CLDN18: variants seen among roughly 807,000 people sequenced by gnomAD.
CLDN18 encodes claudin-18.
Under a neutral mutation model 25.0 loss-of-function variants are expected in CLDN18, and 20 were observed. That is an observed-to-expected ratio of 0.80 (90% CI 0.56 to 1.16). The LOEUF (loss-of-function observed/expected upper bound fraction) is 1.16. Ranked by LOEUF, CLDN18 falls within the 50% of genes most tolerant of loss-of-function variation. CLDN18 has a pLI of 0.00. For missense variants in CLDN18, 297 were observed against 345.4 expected, an observed-to-expected ratio of 0.86 and a Z score of 1.11; for synonymous variants, 125 against 135.6, an observed-to-expected ratio of 0.92 and a Z score of 0.54.
At chr3:138,020,006 G>T (rs1389663784) in intron 1 of CLDN18, among the ~76,000 whole-genome samples, 2 of 152,192 alleles carry the variant, frequency 1.3e-5, no homozygotes, top group African/African-American at 2.4e-5. Flanking sequence ...CTCTTGATCA[G>T]AATATCAAGT....
At position 138,032,502 on chromosome 3, in the gene CLDN18, A is replaced by AG. The variant is rs200226240; in HGVS notation, c.*1362dup. The AG allele has an allele frequency of 6.6e-6, 1 of 151,790 alleles. No individual in the cohort carries two copies. Among genetic ancestry groups the AG allele is most frequent in the Non-Finnish European group, 1.5e-5 (1 of 67,922 alleles). 9.4% of individuals were successfully genotyped at this position (151,790 alleles called of 1,614,324 possible). On this transcript the variant is annotated 3_prime_UTR_variant, in exon 5 of 5. Transcript: ENST00000183605. ...AACTAATTCTTTAAAAAAAAAAAAA[A>AG]GTTGAGCCTGAATTAAATGTAATGT...
chr3:138,030,844 C>A, intron 4 of CLDN18, 126 bp from the exon 5 acceptor site: 2 of 853,178 alleles, frequency 2.3e-6, no homozygotes, highest in Non-Finnish European at 1.8e-6. Context: ...CTGGTTTGCC[C>A]CGGACTGATG....
chr3:138,014,356 G>C (rs1942178738), intron 1 of CLDN18, among the ~76,000 whole-genome samples: 1 of 152,180 alleles, frequency 6.6e-6, no homozygotes, highest in South Asian at 2.1e-4. Flanking sequence ...AGGGCTCTTG[G>C]AAACTGTTGG....
Position 137,999,197 on chromosome 3 carries a change from G to A in CLDN18, c.220+109G>A, listed in dbSNP as rs938333125. On this transcript the variant is annotated intron_variant, in intron 1 of 4. Coordinates refer to the CLDN18 transcript ENST00000343735. ...GGACTGCTGGGGAGGGAGGAACTGCGATTCGTGTTTGACAGGGGCAACAGC... is the reference window on the plus strand; with the variant it reads ...GGACTGCTGGGGAGGGAGGAACTGCAATTCGTGTTTGACAGGGGCAACAGC... The A allele has an allele frequency of 3.6e-5, 36 of 990,742 alleles. No individual in the cohort carries two copies. The Admixed American group carries it at 4.9e-4, about 14-fold the overall frequency. 61.4% of individuals were successfully genotyped at this position (990,742 alleles called of 1,614,324 possible).
chr3:138,023,889 C>CA, intron 2 of CLDN18, 67 bp downstream of exon 2: 1 of 1,485,414 alleles, frequency 6.7e-7, no homozygotes, highest in Non-Finnish European at 9.2e-7. Context: ...GTAGAGAAAA[C>CA]ATGACTCCTC....
At chr3:137,999,813 C>T (rs920851887) in intron 1 of CLDN18, among the ~76,000 whole-genome samples, 6 of 152,188 alleles carry the variant, frequency 3.9e-5, no homozygotes, top group Non-Finnish European at 4.4e-5. Context: ...TGTTTATTTG[C>T]TTAGTAGATT....
intron 1 of CLDN18, 100 bp from the exon 2 acceptor site, chr3:138,023,558 C>T (rs1344105878): frequency 1.8e-6 from 2 of 1,138,590 alleles, no homozygotes; most frequent in Non-Finnish European, 2.5e-6. Context: ...AGGTTTGGTG[C>T]AGGTTAGTTG....
chr3:138,016,383 C>A (rs971552819), intron 1 of CLDN18, among the ~76,000 whole-genome samples: 1 of 152,088 alleles, frequency 6.6e-6, no homozygotes, highest in Non-Finnish European at 1.5e-5. Context: ...GGGGTTGACC[C>A]ATTTGTAACA....
At chr3:138,009,793 G>A (rs566050723), upstream of CLDN18, among the ~76,000 whole-genome samples, 56 of 152,358 alleles carry the variant, frequency 3.7e-4, no homozygotes, top group Admixed American at 9.8e-4. Context: ...GACAGAGCAC[G>A]GTGGGTGCTT....
At chr3:137,998,821 T>C (rs773557993) in exon 1 of CLDN18, 5 of 1,567,840 alleles carry the variant, frequency 3.2e-6, no homozygotes, top group Admixed American at 1.7e-5. Flanking sequence ...GTCTCAGAAT[T>C]GCGCTGTCCA....
chr3:138,007,587 A>T (rs189992301), upstream of CLDN18, among the ~76,000 whole-genome samples: 8 of 152,176 alleles, frequency 5.3e-5, no homozygotes, highest in Non-Finnish European at 1.0e-4. Context: ...ATGGGTCAAT[A>T]GGTGCAGCAA....
chr3:138,004,694 A>C (rs534967323), intron 1 of CLDN18: 1 of 152,006 alleles, frequency 6.6e-6, no homozygotes, highest in Middle Eastern at 3.4e-3. Flanking sequence ...GAAGTCATTG[A>C]CTAGCTTTTT....
chr3:138,020,460 T>C (rs114302616), intron 1 of CLDN18, among the ~76,000 whole-genome samples: 2,129 of 152,350 alleles, frequency 0.014, 37 homozygotes, highest in African/African-American at 0.048. Flanking sequence ...GCTCCTCAGA[T>C]ATTGCAGGAG....
At chr3:138,013,602 G>A (rs1278180078) in intron 1 of CLDN18, among the ~76,000 whole-genome samples, 1 of 152,220 alleles carries the variant, frequency 6.6e-6, no homozygotes, top group South Asian at 2.1e-4. Flanking sequence ...TATGGCCCCA[G>A]GAGCTGGGAG....
intron 1 of CLDN18, among the ~76,000 whole-genome samples, chr3:138,012,424 C>A (rs1422198363): frequency 6.6e-6 from 1 of 152,164 alleles, no homozygotes; most frequent in East Asian, 1.9e-4. Flanking sequence ...CAGCCTGACA[C>A]CAAGCCTTCC....
At chr3:138,009,952 C>G (rs1246394187), upstream of CLDN18, 1 of 442,730 alleles carries the variant, frequency 2.3e-6, no homozygotes, top group Non-Finnish European at 4.1e-6. Context: ...GCAGGGAGTC[C>G]TTCTGCTCCC....
chr3:138,016,154 G>C (rs1286395029), intron 1 of CLDN18, among the ~76,000 whole-genome samples: 4 of 152,186 alleles, frequency 2.6e-5, no homozygotes, highest in Non-Finnish European at 5.9e-5. Context: ...TTAGCTTTAG[G>C]TTTAAAAAGT....
intron 1 of CLDN18, among the ~76,000 whole-genome samples, chr3:138,003,970 G>A (rs1462480671): frequency 6.6e-6 from 1 of 152,054 alleles, no homozygotes; most frequent in African/African-American, 2.4e-5. Flanking sequence ...TCAGGAGTTC[G>A]AGACCAGCCT....
chr3:138,021,629 C>T (rs146275276), intron 1 of CLDN18, among the ~76,000 whole-genome samples: 3 of 152,154 alleles, frequency 2.0e-5, no homozygotes, highest in Admixed American at 6.5e-5. Flanking sequence ...TTATATTGAA[C>T]AGTTATTGCT....
Sources: gnomAD v4.1 joint callset for allele counts (sites outside exome capture counted in the v4.1 genomes callset) on GRCh38, gnomAD v4.1.1 for gene constraint, MANE v1.5 for transcripts, NCBI Gene and HGNC (gene_info 2026-07-23, HGNC 2026-07-21) for gene names.